The following BMPR1B variants were observed in gnomAD, a reference collection of about 807,000 sequenced individuals.
BMPR1B encodes bone morphogenetic protein receptor type-1B.
Under a neutral mutation model 59.1 loss-of-function variants are expected in BMPR1B, and 12 were observed. That is an observed-to-expected ratio of 0.20 (90% CI 0.13 to 0.33). BMPR1B has a LOEUF of 0.33. Among genes scored for constraint, BMPR1B ranks in the 10% least tolerant of loss-of-function variants. The pLI, the probability that BMPR1B is intolerant of heterozygous loss-of-function variation, is 1.00. For synonymous variants in BMPR1B, 237 were observed against 207.3 expected, an observed-to-expected ratio of 1.14 and a Z score of -1.23; for missense variants, 550 against 610.9, an observed-to-expected ratio of 0.90 and a Z score of 1.05.
chr4:94,872,339 A>G (rs1726533534), intron 1 of BMPR1B, among the ~76,000 whole-genome samples: 2 of 152,236 alleles, frequency 1.3e-5, no homozygotes, highest in Non-Finnish European at 2.9e-5. Context: ...CTAAACATAT[A>G]AAAATATTTT....
intron 2 of BMPR1B, among the ~76,000 whole-genome samples, chr4:94,903,753 T>TTATA (rs1727921390): frequency 1.3e-5 from 2 of 151,904 alleles, no homozygotes; most frequent in Non-Finnish European, 2.9e-5. Flanking sequence ...ACTGGTGTCC[T>TTATA]TATAAGAAGA....
At position 94,905,914 on chromosome 4, in the gene BMPR1B, C is replaced by CT. The variant is rs34853734; in HGVS notation, c.-113+30028dup. Among the ~76,000 whole-genome samples the CT allele has an allele frequency of 7.2e-3, 987 of 137,818 alleles. 6 individuals carry two copies. Among genetic ancestry groups the CT allele is most frequent in the African/African-American group, 0.016 (600 of 37,888 alleles). 90.4% of individuals were successfully genotyped at this position (137,818 alleles called of 152,430 possible). A position where few individuals can be genotyped will look rare whatever the true frequency, so the allele number is the denominator to read the frequency against. On this transcript the variant is annotated intron_variant, in intron 2 of 12. Coordinates refer to ENST00000515059, the MANE Select transcript of BMPR1B (RefSeq NM_001203.3). The stretch of plus-strand genomic sequence containing the variant: ...TAGTGGAATTCTTCTTTTGTTTATT[C>CT]TTTTTTTTTTTTTTGTCACGAATAG...
At chr4:94,790,731 A>T (rs559961304) in intron 1 of BMPR1B, among the ~76,000 whole-genome samples, 1 of 152,266 alleles carries the variant, frequency 6.6e-6, no homozygotes, top group South Asian at 2.1e-4. Flanking sequence ...TAAAAGAAAA[A>T]CTTTATTTTT....
At chr4:95,104,647 CAAA>C in intron 4 of BMPR1B, 80 bp downstream of exon 4, 2 of 1,543,648 alleles carry the variant, frequency 1.3e-6, no homozygotes, top group South Asian at 2.2e-5. Context: ...GCTAGTGTTT[CAAA>C]GAACACATTT....
At chr4:94,955,721 T>C (rs1245053362) in intron 2 of BMPR1B, among the ~76,000 whole-genome samples, 2 of 151,512 alleles carry the variant, frequency 1.3e-5, no homozygotes, top group African/African-American at 4.9e-5. Flanking sequence ...CTCTGCCTCC[T>C]GGGTTCAAGC....
intron 3 of BMPR1B, among the ~76,000 whole-genome samples, chr4:95,018,313 A>G (rs1236901539): frequency 1.3e-5 from 2 of 152,194 alleles, no homozygotes; most frequent in African/African-American, 2.4e-5. Flanking sequence ...GTATGGAAAT[A>G]CCTATATTGT....
At chr4:95,066,179 C>T (rs764252792) in intron 3 of BMPR1B, among the ~76,000 whole-genome samples, 2 of 152,226 alleles carry the variant, frequency 1.3e-5, no homozygotes, top group Non-Finnish European at 2.9e-5. Context: ...CAGAAAGGCT[C>T]ATTCCTGAAT....
At position 95,026,097 on chromosome 4, in the gene BMPR1B, C is replaced by CCTTTCTTTCTTTCTTTCTTTCTTT. The variant is rs1560602784; in HGVS notation, c.-18+29963_-18+29964insCTTTCTTTCTTTCTTTCTTTCTTT. Among the ~76,000 whole-genome samples, 14 of 23,916 alleles carry CCTTTCTTTCTTTCTTTCTTTCTTT rather than the reference C, an allele frequency of 5.9e-4. 1 individual carries two copies. In the East Asian group the frequency reaches 0.013, roughly 23 times the overall value. 15.7% of individuals were successfully genotyped at this position (23,916 alleles called of 152,430 possible). A position where few individuals can be genotyped will look rare whatever the true frequency, so the allele number is the denominator to read the frequency against. On this transcript the variant is annotated intron_variant, in intron 3 of 12. Coordinates refer to ENST00000515059, the MANE Select transcript of BMPR1B (RefSeq NM_001203.3). ...CTTGGCTGGCTGGATTGCTTTCTTTCATTTCTTTCTTTCTTTCTTTCTTTC... is the reference window on the plus strand; with the variant it reads ...CTTGGCTGGCTGGATTGCTTTCTTTCCTTTCTTTCTTTCTTTCTTTCTTTATTTCTTTCTTTCTTTCTTTCTTTC...
chr4:94,974,681 A>T (rs1252294470), intron 2 of BMPR1B, among the ~76,000 whole-genome samples: 1 of 152,102 alleles, frequency 6.6e-6, no homozygotes, highest in Non-Finnish European at 1.5e-5. Context: ...TTCGCTAATT[A>T]GGTTAGTCTT....
intron 8 of BMPR1B, among the ~76,000 whole-genome samples, chr4:95,125,662 G>T (rs1396573981): frequency 6.6e-6 from 1 of 152,130 alleles, no homozygotes; most frequent in Admixed American, 6.6e-5. Context: ...TTTTCTAAAA[G>T]AGATGTACAA....
chr4:95,039,322 C>T, intron 3 of BMPR1B, among the ~76,000 whole-genome samples: 1 of 151,770 alleles, frequency 6.6e-6, no homozygotes. Flanking sequence ...GTATCTCCAT[C>T]TTAAAGTTTA....
intron 6 of BMPR1B, among the ~76,000 whole-genome samples, chr4:95,122,180 T>A (rs1368340566): frequency 6.6e-6 from 1 of 152,012 alleles, no homozygotes; most frequent in African/African-American, 2.4e-5. Context: ...CTGCTAAGCA[T>A]ACAAAAATAA....
chr4:95,146,924 A>G (rs754776545), intron 10 of BMPR1B, among the ~76,000 whole-genome samples: 6 of 152,176 alleles, frequency 3.9e-5, no homozygotes, highest in Admixed American at 2.0e-4. Context: ...GTCATTTATC[A>G]TTTACACATA....
Position 95,157,785 on chromosome 4 carries a change from A to G in BMPR1B, c.*3112A>G, listed in dbSNP as rs1160205899. On this transcript the variant is annotated 3_prime_UTR_variant, in exon 13 of 13. Coordinates refer to ENST00000515059, the MANE Select transcript of BMPR1B (RefSeq NM_001203.3). ...ATTGTTAAATCACAAAAAGAGTGCT[A>G]TGACCATTATGTATGAGGAAACAGG... 2.0e-5 allele frequency: 3 copies of G among 151,966 alleles called. No homozygotes were observed. Among genetic ancestry groups the G allele is most frequent in the East Asian group, 1.9e-4 (1 of 5,168 alleles). The allele number at this position is 151,966 out of a possible 1,614,324, so 9.4% of individuals were successfully genotyped here.
At chr4:94,975,248 T>C (rs74823556) in intron 2 of BMPR1B, among the ~76,000 whole-genome samples, 3,190 of 152,256 alleles carry the variant, frequency 0.021, 121 homozygotes, top group African/African-American at 0.073. Flanking sequence ...GTCCAGGAAG[T>C]TGCCTTGAGC....
At chr4:94,901,762 G>A (rs1408168421) in intron 2 of BMPR1B, among the ~76,000 whole-genome samples, 2 of 151,870 alleles carry the variant, frequency 1.3e-5, no homozygotes, top group African/African-American at 2.4e-5. Context: ...AAAGCAATTC[G>A]ACAGTTCCCT....
chr4:95,127,759 C>T (rs1485798728), intron 8 of BMPR1B, among the ~76,000 whole-genome samples: 1 of 152,090 alleles, frequency 6.6e-6, no homozygotes, highest in Non-Finnish European at 1.5e-5. Flanking sequence ...TGCTTATTTC[C>T]ATCAAGCTTC....
intron 3 of BMPR1B, among the ~76,000 whole-genome samples, chr4:95,100,066 G>A (rs1176808371): frequency 6.6e-6 from 1 of 152,064 alleles, no homozygotes; most frequent in Non-Finnish European, 1.5e-5. Context: ...CTTCAATGAG[G>A]CCTGCTTGCT....
In BMPR1B at chr4:95,115,685, G is replaced by C. The variant is rs369807264; in HGVS notation, c.247G>C (p.Asp83His). The C allele has an allele frequency of 2.0e-5, 32 of 1,612,336 alleles. No homozygotes were observed. The South Asian group carries it at 2.1e-4, about 11-fold the overall frequency. ...AATAGCTGTTTGGGTTCGATTATAG[G>C]ACACTCCCATTCCTCATCAAAGAAG... ...GLEGSDFQCR[D>H]TPIPHQRRSI... Residue 83 changes from aspartate to histidine, a missense_variant and splice_region_variant, in exon 6 of 13, where the codon GAC (aspartate) becomes CAC (histidine). Asp to His is a moderately conservative substitution (Grantham distance 81, BLOSUM62 -1). Around this residue, in one of 6 missense-constraint regions of BMPR1B, gnomAD observed 24 missense variants for 20.3 expected, o/e 1.18. Transcript: ENST00000515059.
Sources: allele counts gnomAD v4.1 joint callset (sites outside exome capture counted in the v4.1 genomes callset), GRCh38; gene constraint gnomAD v4.1.1; regional missense constraint gnomAD v4.1.1; transcripts MANE v1.5; gene names NCBI Gene and HGNC (gene_info 2026-07-23, HGNC 2026-07-21).